Variants in LRRC7 observed in about 807,000 individuals in gnomAD.
The protein encoded by LRRC7 is leucine-rich repeat-containing protein 7.
In LRRC7, 23 loss-of-function variants were observed where a neutral mutation model predicts 175.7. The ratio of observed to expected loss-of-function variants is 0.13; its 90% confidence interval spans 0.09 to 0.19. The LOEUF is 0.19. LRRC7 is among the 10% of genes least tolerant of loss of function. LRRC7 has a pLI of 1.00. For missense variants in LRRC7, 1,354 were observed against 1,904.7 expected, an observed-to-expected ratio of 0.71 and a Z score of 5.38; for synonymous variants, 685 against 680.9, an observed-to-expected ratio of 1.01 and a Z score of -0.09.
chr1:69,985,851 A>G (rs1317765293), intron 9 of LRRC7, among the ~76,000 whole-genome samples: 2 of 152,336 alleles, frequency 1.3e-5, no homozygotes, highest in Admixed American at 6.5e-5. Flanking sequence ...CATTATATGT[A>G]TATGCCACAT....
At chr1:69,945,578 G>T (rs1649220470) in intron 8 of LRRC7, among the ~76,000 whole-genome samples, 1 of 151,984 alleles carries the variant, frequency 6.6e-6, no homozygotes, top group African/African-American at 2.4e-5. Context: ...TAAATATGTA[G>T]ATCACTTTGG....
rs1172403797 is a variant in LRRC7, at chr1:70,082,781, ATTTTTTTTTTTTTTT to A, written c.4452+6500_4452+6514del. ...TATTAGTCAATCTTGATACCAGTAC[ATTTTTTTTTTTTTTT>A]TTTTTTTTTTTTTTTTGAGACAAAG... is the stretch of plus-strand genomic sequence containing the variant. On this transcript the variant is annotated intron_variant, in intron 24 of 26. Transcript: ENST00000651989. 8.8e-3 allele frequency among the ~76,000 whole-genome samples: 462 copies of A among 52,322 alleles called. 31 individuals are homozygous for A. The highest frequency in any genetic ancestry group is 0.027 in the African/African-American group (431 of 16,192). 34.3% of individuals were successfully genotyped at this position (52,322 alleles called of 152,430 possible).
At chr1:69,718,142 G>GAGAGAGAAAGAAAGAAAGAAAGAAAGAA (rs397763816) in intron 2 of LRRC7, among the ~76,000 whole-genome samples, 1 of 73,716 alleles carries the variant, frequency 1.4e-5, no homozygotes, top group African/African-American at 8.1e-5. Flanking sequence ...AAGAAAGAGA[G>GAGAGAGAAAGAAAGAAAGAAAGAAAGAA]AGAAAGAAAG....
intron 1 of LRRC7, among the ~76,000 whole-genome samples, chr1:69,605,881 A>G (rs1490313120): frequency 6.6e-6 from 1 of 152,110 alleles, no homozygotes; most frequent in African/African-American, 2.4e-5. Context: ...GGACTCAATG[A>G]GAGTTATGAC....
intron 8 of LRRC7, among the ~76,000 whole-genome samples, chr1:69,970,027 G>A (rs1004249141): frequency 6.6e-6 from 1 of 152,130 alleles, no homozygotes; most frequent in Non-Finnish European, 1.5e-5. Context: ...GCTCCTGAAT[G>A]ATCATTGGGT....
intron 1 of LRRC7, among the ~76,000 whole-genome samples, chr1:69,573,443 G>A (rs1224399253): frequency 1.3e-5 from 2 of 152,058 alleles, no homozygotes; most frequent in Non-Finnish European, 2.9e-5. Context: ...TTTAATGTAG[G>A]TATAGAAAAT....
intron 3 of LRRC7, among the ~76,000 whole-genome samples, chr1:69,781,924 G>GAAAGAA (rs1553155326): frequency 2.7e-4 from 38 of 139,460 alleles, no homozygotes; most frequent in African/African-American, 1.1e-3. Flanking sequence ...AAGAAAGAAA[G>GAAAGAA]AAAGAAAGAA....
At chr1:69,613,181 A>T (rs1569933247) in intron 1 of LRRC7, among the ~76,000 whole-genome samples, 2 of 152,230 alleles carry the variant, frequency 1.3e-5, no homozygotes, top group East Asian at 3.9e-4. Context: ...TCCAAGGTCA[A>T]GGTGCCAGCA....
chr1:69,869,259 G>C (rs562203645), intron 7 of LRRC7, among the ~76,000 whole-genome samples: 1 of 152,118 alleles, frequency 6.6e-6, no homozygotes, highest in Non-Finnish European at 1.5e-5. Context: ...GAGATGGAGA[G>C]AAAGGGACAA....
intron 21 of LRRC7, 54 bp downstream of exon 21, chr1:70,039,847 A>G: frequency 1.3e-6 from 2 of 1,521,794 alleles, no homozygotes; most frequent in African/African-American, 1.4e-5. Context: ...GTGTTACTTT[A>G]TTGGCATTTC....
At position 70,137,337 on chromosome 1, in the gene LRRC7, G is replaced by A. The variant is rs921969681; in HGVS notation, c.*15450G>A. Among the ~76,000 whole-genome samples, 2 of 152,234 alleles carry A rather than the reference G, an allele frequency of 1.3e-5. No homozygotes were observed. The highest frequency in any genetic ancestry group is 1.9e-4 in the East Asian group (1 of 5,164). On this transcript the variant is annotated 3_prime_UTR_variant, in exon 27 of 27. Coordinates refer to ENST00000651989, the MANE Select transcript of LRRC7 (RefSeq NM_001370785.2). ...AGGAAGGAACTTCATCTTAAGGCTT[G>A]ATAACAAAGGCTTACTGTTCCACTT... is the stretch of plus-strand genomic sequence containing the variant.
intron 1 of LRRC7, among the ~76,000 whole-genome samples, chr1:69,627,159 A>G (rs760042433): frequency 5.3e-5 from 8 of 152,208 alleles, no homozygotes; most frequent in Non-Finnish European, 1.2e-4. Context: ...ACTGACTTCC[A>G]TAATGGTTGA....
At chr1:69,689,882 A>G (rs541167061) in intron 2 of LRRC7, among the ~76,000 whole-genome samples, 6 of 152,222 alleles carry the variant, frequency 3.9e-5, no homozygotes, top group Non-Finnish European at 8.8e-5. Flanking sequence ...TCCAAAATTA[A>G]TACAGTTGAT....
chr1:70,020,626 T>C (rs534681793), intron 15 of LRRC7, among the ~76,000 whole-genome samples: 1 of 152,146 alleles, frequency 6.6e-6, no homozygotes, highest in East Asian at 1.9e-4. Flanking sequence ...TAAAACTCAT[T>C]AGTAAAGTAA....
At chr1:70,015,346 G>T (rs2101960119) in intron 13 of LRRC7, among the ~76,000 whole-genome samples, 1 of 151,996 alleles carries the variant, frequency 6.6e-6, no homozygotes, top group African/African-American at 2.4e-5. Context: ...GTGTTTAACT[G>T]CTTTCGCTCA....
chr1:69,656,646 T>C (rs1479915310), intron 1 of LRRC7, among the ~76,000 whole-genome samples: 2 of 152,024 alleles, frequency 1.3e-5, no homozygotes, highest in African/African-American at 4.8e-5. Context: ...GCAGCATATG[T>C]TTATTTAACA....
chr1:70,023,098 C>A (rs761067952), intron 16 of LRRC7, 28 bp from the exon 17 acceptor site: 1 of 1,390,596 alleles, frequency 7.2e-7, no homozygotes, highest in South Asian at 2.0e-5. Context: ...CTCTTTCTCC[C>A]AGAAAATGGA....
chr1:69,717,039 G>T (rs749572883), intron 2 of LRRC7, among the ~76,000 whole-genome samples: 3 of 151,142 alleles, frequency 2.0e-5, no homozygotes, highest in Non-Finnish European at 4.4e-5. Context: ...AATAAAAACT[G>T]ATTTTACATA....
chr1:69,662,173 G>A (rs4650302), intron 1 of LRRC7, among the ~76,000 whole-genome samples: 58,579 of 151,894 alleles, frequency 0.39, 11,662 homozygotes, highest in East Asian at 0.48. Context: ...TCATCTTTAT[G>A]AGGATAAATA....
Sources: gnomAD v4.1 joint callset for allele counts (sites outside exome capture counted in the v4.1 genomes callset) on GRCh38, gnomAD v4.1.1 for gene constraint, MANE v1.5 for transcripts, NCBI Gene and HGNC (gene_info 2026-07-23, HGNC 2026-07-21) for gene names.